The following PLA2G4A variants were observed in gnomAD, a reference collection of about 807,000 sequenced individuals.
PLA2G4A encodes the protein cytosolic phospholipase A2.
A neutral mutation model predicts 81.9 loss-of-function variants in PLA2G4A; 40 were observed. The observed-to-expected ratio is 0.49, with a 90% CI of 0.38 to 0.64. The LOEUF is 0.64. Among genes scored for constraint, PLA2G4A ranks in the 30% least tolerant of loss-of-function variants. The probability of loss-of-function intolerance (pLI) is 0.00; values close to 1 mark genes in which losing one functional copy is unlikely to be tolerated. For missense variants in PLA2G4A, 715 were observed against 905.1 expected (o/e 0.79, Z 2.69); for synonymous variants, 302 against 296.9 (o/e 1.02, Z -0.18).
chr1:186,945,832 A>C (rs1656319359), intron 10 of PLA2G4A, among the ~76,000 whole-genome samples: 1 of 152,202 alleles, frequency 6.6e-6, no homozygotes, highest in African/African-American at 2.4e-5. Context: ...GGAATACATG[A>C]AACATAAAGT....
intron 3 of PLA2G4A, among the ~76,000 whole-genome samples, 198 bp from the exon 4 acceptor site, chr1:186,892,813 A>G (rs142487228): frequency 6.6e-6 from 1 of 152,358 alleles, no homozygotes; most frequent in African/African-American, 2.4e-5. Flanking sequence ...TCACAGGACT[A>G]TTATGAAGGA....
chr1:186,856,337 A>G (rs1297764535), intron 2 of PLA2G4A, among the ~76,000 whole-genome samples: 1 of 150,422 alleles, frequency 6.6e-6, no homozygotes, highest in Non-Finnish European at 1.5e-5. Flanking sequence ...TTGATATTTG[A>G]TGTTTTAATG....
intron 3 of PLA2G4A, among the ~76,000 whole-genome samples, chr1:186,892,748 C>T (rs551902053): frequency 6.6e-6 from 1 of 152,294 alleles, no homozygotes; most frequent in African/African-American, 2.4e-5. Flanking sequence ...TTGAACCTGT[C>T]CTCTCTAGAT....
chr1:186,893,303 T>C, intron 4 of PLA2G4A, 144 bp downstream of exon 4: 1 of 784,790 alleles, frequency 1.3e-6, no homozygotes, highest in Middle Eastern at 2.9e-4. Flanking sequence ...ATCTAAATGG[T>C]GTCTGTCAAG....
chr1:186,911,136 G>A, intron 6 of PLA2G4A, 112 bp from the exon 7 acceptor site: 2 of 842,930 alleles, frequency 2.4e-6, no homozygotes, highest in South Asian at 2.7e-5. Context: ...TGGCTTGAGG[G>A]AAGCAGTCAG....
At chr1:186,893,904 G>C (rs563802791) in intron 4 of PLA2G4A, among the ~76,000 whole-genome samples, 194 bp from the exon 5 acceptor site, 27 of 134,680 alleles carry the variant, frequency 2.0e-4, no homozygotes, top group Admixed American at 1.9e-3. Flanking sequence ...AGCCTGGTGA[G>C]TGAGACCCTG....
chr1:186,834,302 A>G (rs1231003537), intron 1 of PLA2G4A, among the ~76,000 whole-genome samples: 1 of 152,184 alleles, frequency 6.6e-6, no homozygotes, highest in East Asian at 1.9e-4. Context: ...TATTTCCACA[A>G]AACTGTGTAA....
chr1:186,865,155 A>C (rs1033056154), intron 2 of PLA2G4A, among the ~76,000 whole-genome samples: 2 of 150,496 alleles, frequency 1.3e-5, no homozygotes, highest in Non-Finnish European at 3.0e-5. Flanking sequence ...GCAGGTGATA[A>C]ATTTCTTGTT....
chr1:186,858,251 C>T (rs954140448), intron 2 of PLA2G4A, among the ~76,000 whole-genome samples: 8 of 152,296 alleles, frequency 5.3e-5, no homozygotes, highest in African/African-American at 1.9e-4. Context: ...TATTTCTCCA[C>T]ATCCTCTCCA....
intron 7 of PLA2G4A, among the ~76,000 whole-genome samples, chr1:186,917,318 C>G (rs1655175777): frequency 6.6e-6 from 1 of 152,172 alleles, no homozygotes; most frequent in Admixed American, 6.5e-5. Context: ...TCACCTAACT[C>G]TTGGGAAGTG....
chr1:186,877,327 A>G (rs756201653), intron 3 of PLA2G4A, among the ~76,000 whole-genome samples: 29 of 152,210 alleles, frequency 1.9e-4, no homozygotes, highest in Middle Eastern at 6.8e-3. Context: ...GTAAGTGCTC[A>G]ATAAATGTGA....
intron 5 of PLA2G4A, among the ~76,000 whole-genome samples, chr1:186,900,236 T>G (rs984160211): frequency 6.6e-6 from 1 of 152,162 alleles, no homozygotes; most frequent in Non-Finnish European, 1.5e-5. Context: ...ACATGTTATC[T>G]TTTCTGCCTT....
intron 1 of PLA2G4A, among the ~76,000 whole-genome samples, chr1:186,852,670 T>G (rs984421547): frequency 3.9e-5 from 6 of 151,986 alleles, no homozygotes; most frequent in Non-Finnish European, 8.8e-5. Context: ...AAAAAGGTAT[T>G]AAACCCACAC....
intron 5 of PLA2G4A, among the ~76,000 whole-genome samples, chr1:186,897,950 C>A (rs961501337): frequency 6.6e-6 from 1 of 152,122 alleles, no homozygotes; most frequent in African/African-American, 2.4e-5. Flanking sequence ...TTTTTCAACT[C>A]TTGCTCCTCT....
At position 186,988,451 on chromosome 1, in the gene PLA2G4A, T is replaced by C; in HGVS notation, c.2193T>C (p.Ser731=). Residue 731 remains serine (S), a synonymous_variant, in exon 18 of 18, where the codon AGT becomes AGC. Transcript: ENST00000367466. The part of the protein sequence containing the change: ...QNPSRCSVSL[S]NVEARRFFNK... ...CATCTCGTTGCTCTGTTTCCCTTAG[T>C]AATGTTGAGGCAAGAAGATTTTTCA... is the stretch of plus-strand genomic sequence containing the variant. 3 of 1,611,502 alleles carry C rather than the reference T, an allele frequency of 1.9e-6. No homozygotes were observed. Among genetic ancestry groups the C allele is most frequent in the Non-Finnish European group, 2.5e-6 (3 of 1,177,782 alleles).
intron 3 of PLA2G4A, among the ~76,000 whole-genome samples, chr1:186,873,880 T>C (rs912719455): frequency 6.6e-6 from 1 of 152,068 alleles, no homozygotes; most frequent in Admixed American, 6.6e-5. Flanking sequence ...TGGTTGCTAA[T>C]TTCAGTGTTA....
At chr1:186,902,258 T>G (rs1654566969) in intron 5 of PLA2G4A, among the ~76,000 whole-genome samples, 1 of 152,176 alleles carries the variant, frequency 6.6e-6, no homozygotes, top group Admixed American at 6.5e-5. Flanking sequence ...ATATGTTTCA[T>G]CATTAAAACA....
rs138163093 is a variant in PLA2G4A, at chr1:186,916,011, G to T, written c.558+4622G>T. Among the ~76,000 whole-genome samples the T allele has an allele frequency of 3.4e-3, 514 of 152,162 alleles. 8 individuals are homozygous for T. The highest frequency in any genetic ancestry group is 0.012 in the African/African-American group (496 of 41,500). ...TCCATGGCCATTGATATCCTGTTAC[G>T]GTTCCTCCACAGACATAACATGAAG... On this transcript the variant is annotated intron_variant, in intron 7 of 17. Coordinates refer to ENST00000367466, the MANE Select transcript of PLA2G4A (RefSeq NM_024420.3).
At chr1:186,848,625 A>G (rs1288473631) in intron 1 of PLA2G4A, among the ~76,000 whole-genome samples, 1 of 152,136 alleles carries the variant, frequency 6.6e-6, no homozygotes, top group Non-Finnish European at 1.5e-5. Flanking sequence ...AGCCCTGAAT[A>G]GAATCAAAGA....
Sources: gnomAD v4.1 joint callset for allele counts (sites outside exome capture counted in the v4.1 genomes callset) on GRCh38, gnomAD v4.1.1 for gene constraint, MANE v1.5 for transcripts, NCBI Gene and HGNC (gene_info 2026-07-23, HGNC 2026-07-21) for gene names.